The following SLC16A7 variants were observed in gnomAD, a reference collection of about 807,000 sequenced individuals.
SLC16A7 encodes monocarboxylate transporter 2.
A neutral mutation model predicts 34.9 loss-of-function variants in SLC16A7; 33 were observed. The observed-to-expected ratio is 0.94, with a 90% CI of 0.72 to 1.26. SLC16A7 has a LOEUF of 1.26. SLC16A7 is among the 50% of genes most tolerant of loss of function. SLC16A7 has a pLI of 0.00. For missense variants in SLC16A7, 573 were observed against 578.1 expected (o/e 0.99, Z 0.09); for synonymous variants, 201 against 206.6 (o/e 0.97, Z 0.23).
At chr12:59,648,567 G>A (rs1488112160) in intron 1 of SLC16A7, among the ~76,000 whole-genome samples, 3 of 152,224 alleles carry the variant, frequency 2.0e-5, no homozygotes, top group Admixed American at 1.3e-4. Flanking sequence ...TTACCATGAT[G>A]TAGTGTAACT....
chr12:59,647,446 G>A (rs1047845854), intron 1 of SLC16A7, among the ~76,000 whole-genome samples: 2 of 152,134 alleles, frequency 1.3e-5, no homozygotes, highest in African/African-American at 4.8e-5. Flanking sequence ...CACCATGATT[G>A]TAAGTTTCCC....
intron 3 of SLC16A7, among the ~76,000 whole-genome samples, chr12:59,766,281 G>T (rs963779321): frequency 9.0e-4 from 137 of 152,284 alleles, no homozygotes; most frequent in African/African-American, 3.1e-3. Flanking sequence ...TGCAAACAGG[G>T]ACAATTTGAC....
chr12:59,611,061 A>C (rs1279753654), intron 1 of SLC16A7, among the ~76,000 whole-genome samples: 1 of 152,154 alleles, frequency 6.6e-6, no homozygotes, highest in African/African-American at 2.4e-5. Context: ...GTGGTGAGAG[A>C]GCTCTCTTAG....
At chr12:59,697,714 TAA>T (rs879401774) in intron 2 of SLC16A7, among the ~76,000 whole-genome samples, 3 of 143,268 alleles carry the variant, frequency 2.1e-5, no homozygotes, top group Admixed American at 7.0e-5. Flanking sequence ...AAAAGACTGT[TAA>T]AAAAAAAAAA....
chr12:59,726,603 T>C (rs1276287959), intron 3 of SLC16A7, among the ~76,000 whole-genome samples: 1 of 152,168 alleles, frequency 6.6e-6, no homozygotes, highest in Non-Finnish European at 1.5e-5. Context: ...TTATAATGAT[T>C]GTGTTAGTTG....
chr12:59,680,997 CA>C (rs1416861564), intron 2 of SLC16A7, among the ~76,000 whole-genome samples: 1 of 152,158 alleles, frequency 6.6e-6, no homozygotes, highest in Non-Finnish European at 1.5e-5. Flanking sequence ...ACTACAGCAG[CA>C]ACAAAAAACA....
intron 3 of SLC16A7, among the ~76,000 whole-genome samples, chr12:59,756,464 C>T (rs1435471972): frequency 2.0e-5 from 3 of 152,024 alleles, no homozygotes; most frequent in Non-Finnish European, 2.9e-5. Context: ...ACAGACACTT[C>T]TCAAAAGAAG....
intron 3 of SLC16A7, among the ~76,000 whole-genome samples, chr12:59,746,737 T>A (rs1182263424): frequency 6.6e-6 from 1 of 152,204 alleles, no homozygotes; most frequent in Non-Finnish European, 1.5e-5. Context: ...AACAGCAACA[T>A]AATTAAGAAA....
chr12:59,627,500 G>A (rs1333040276), intron 1 of SLC16A7, among the ~76,000 whole-genome samples: 2 of 150,774 alleles, frequency 1.3e-5, no homozygotes, highest in Non-Finnish European at 3.0e-5. Flanking sequence ...CTAAAAACAG[G>A]CTTTAGCCTG....
chr12:59,692,417 G>GT (rs1449447368), intron 2 of SLC16A7, among the ~76,000 whole-genome samples: 2 of 151,930 alleles, frequency 1.3e-5, no homozygotes, highest in Non-Finnish European at 2.9e-5. Context: ...CAATTCTGCC[G>GT]TTTGAGTATA....
In SLC16A7 at chr12:59,779,865, A is replaced by G; in HGVS notation, c.*186A>G. 1 of 522,964 alleles carries G rather than the reference A, an allele frequency of 1.9e-6. No individual in the cohort carries two copies. The highest frequency in any genetic ancestry group is 3.4e-6 in the Non-Finnish European group (1 of 297,142). 32.4% of individuals were successfully genotyped at this position (522,964 alleles called of 1,614,324 possible). A position where few individuals can be genotyped will look rare whatever the true frequency, so the allele number is the denominator to read the frequency against. On this transcript the variant is annotated 3_prime_UTR_variant, in exon 6 of 6. Transcript: ENST00000547379. ...TAAAAACTTACTTATTTGGGTAGTT[A>G]AATTTTGAGATTATGCATAGAAAGA...
At chr12:59,713,092 T>C (rs2137171354) in intron 3 of SLC16A7, among the ~76,000 whole-genome samples, 1 of 152,252 alleles carries the variant, frequency 6.6e-6, no homozygotes, top group South Asian at 2.1e-4. Flanking sequence ...CAGTATCGGC[T>C]CACTTCAACC....
chr12:59,720,064 T>C (rs1332125887), intron 3 of SLC16A7: 24 of 699,626 alleles, frequency 3.4e-5, no homozygotes, highest in Non-Finnish European at 6.0e-5. Context: ...ATACCTTTCT[T>C]TTCTAATTCT....
At chr12:59,719,353 T>A (rs1875295177) in intron 3 of SLC16A7, among the ~76,000 whole-genome samples, 1 of 152,044 alleles carries the variant, frequency 6.6e-6, no homozygotes. Context: ...ATGCATTATA[T>A]GAAGAGATGT....
At chr12:59,739,758 T>A (rs985043629) in intron 3 of SLC16A7, among the ~76,000 whole-genome samples, 3 of 152,198 alleles carry the variant, frequency 2.0e-5, no homozygotes, top group African/African-American at 7.2e-5. Flanking sequence ...AGATGGTATC[T>A]CATTGTGGTT....
chr12:59,621,726 C>T (rs1002546093), intron 1 of SLC16A7, among the ~76,000 whole-genome samples: 1 of 151,378 alleles, frequency 6.6e-6, no homozygotes, highest in Non-Finnish European at 1.5e-5. Context: ...ACTTCAAGGA[C>T]TTCAAATTTT....
At chr12:59,694,535 A>C (rs1262022962) in intron 2 of SLC16A7, among the ~76,000 whole-genome samples, 2 of 151,902 alleles carry the variant, frequency 1.3e-5, no homozygotes, top group East Asian at 3.9e-4. Flanking sequence ...AAAAGAACAC[A>C]ACATAAGATC....
chr12:59,776,039 A>G (rs1882727773), intron 5 of SLC16A7, among the ~76,000 whole-genome samples: 1 of 152,168 alleles, frequency 6.6e-6, no homozygotes, highest in Non-Finnish European at 1.5e-5. Flanking sequence ...TTTGAGGGCC[A>G]CTCATGTTCC....
chr12:59,684,437 A>G (rs993087351), intron 2 of SLC16A7, among the ~76,000 whole-genome samples: 4 of 152,184 alleles, frequency 2.6e-5, no homozygotes, highest in Non-Finnish European at 5.9e-5. Flanking sequence ...TTGTCCTTCT[A>G]GTGAGCAGGG....
Sources: gnomAD v4.1 joint callset for allele counts (sites outside exome capture counted in the v4.1 genomes callset) on GRCh38, gnomAD v4.1.1 for gene constraint, MANE v1.5 for transcripts, NCBI Gene and HGNC (gene_info 2026-07-23, HGNC 2026-07-21) for gene names.